The following ST8SIA5 variants were observed in gnomAD, a reference collection of about 807,000 sequenced individuals.
ST8SIA5 encodes the protein ST8 alpha-N-acetyl-neuraminide alpha-2,8-sialyltransferase 5, also known as alpha-2,8-sialyltransferase 8E.
Under a neutral mutation model 40.2 loss-of-function variants are expected in ST8SIA5, and 24 were observed. The ratio of observed to expected loss-of-function variants is 0.60; its 90% CI spans 0.43 to 0.84. The LOEUF (loss-of-function observed/expected upper bound fraction) is 0.84. ST8SIA5 is among the 40% of genes least tolerant of loss of function. The probability of loss-of-function intolerance (pLI) is 0.00; values close to 1 mark genes in which losing one functional copy is unlikely to be tolerated. For missense variants in ST8SIA5, 465 were observed against 498.5 expected, an observed-to-expected ratio of 0.93 and a Z score of 0.64; for synonymous variants, 198 against 201.8, an observed-to-expected ratio of 0.98 and a Z score of 0.16.
At chr18:46,716,339 C>T (rs2039791452) in intron 1 of ST8SIA5, among the ~76,000 whole-genome samples, 1 of 152,150 alleles carries the variant, frequency 6.6e-6, no homozygotes, top group African/African-American at 2.4e-5. Flanking sequence ...CCAAGAGGAC[C>T]CTCTTGTGTC....
At chr18:46,690,126 A>T (rs1449370124) in intron 3 of ST8SIA5, among the ~76,000 whole-genome samples, 1 of 152,176 alleles carries the variant, frequency 6.6e-6, no homozygotes, top group Non-Finnish European at 1.5e-5. Context: ...AGCCCACTGG[A>T]GATCACTCCT....
intron 1 of ST8SIA5, among the ~76,000 whole-genome samples, chr18:46,738,251 C>CAA (rs10645121): frequency 0.46 from 63,276 of 138,606 alleles, 14,587 homozygotes; most frequent in Middle Eastern, 0.53. Context: ...ATAGAAATGT[C>CAA]AAAAAAAAAA....
At position 46,717,121 on chromosome 18, in the gene ST8SIA5, C is replaced by A. The variant is rs138810021; in HGVS notation, c.132-12457G>T. Among the ~76,000 whole-genome samples, 639 of 152,340 alleles carry A rather than the reference C, an allele frequency of 4.2e-3. 4 individuals are homozygous for A. The highest frequency in any genetic ancestry group is 0.015 in the African/African-American group (613 of 41,584). ...CACCCTACAGGACAGAGGCCATCAC[C>A]ATGAGGGCACCGCTGCCTCCCCCTG... On this transcript the variant is annotated intron_variant, in intron 1 of 6. Transcript: ENST00000315087.
At chr18:46,731,599 C>A (rs2039985263) in intron 1 of ST8SIA5, 1 of 152,302 alleles carries the variant, frequency 6.6e-6, no homozygotes, top group South Asian at 2.1e-4. Flanking sequence ...AAGTCTTGAC[C>A]AAGAACAAAG....
chr18:46,686,953 C>G (rs1296509548), intron 4 of ST8SIA5, among the ~76,000 whole-genome samples: 1 of 152,146 alleles, frequency 6.6e-6, no homozygotes. Flanking sequence ...TGGGCTCCAT[C>G]CCAGCACCAC....
At chr18:46,735,805 G>T (rs749591931) in intron 1 of ST8SIA5, among the ~76,000 whole-genome samples, 18 of 151,826 alleles carry the variant, frequency 1.2e-4, no homozygotes, top group Non-Finnish European at 2.2e-4. Flanking sequence ...TACAGACAGG[G>T]TATCACTCTG....
In ST8SIA5 at chr18:46,723,180, C is replaced by T. The variant is rs543982257; in HGVS notation, c.132-18516G>A. On this transcript the variant is annotated intron_variant, in intron 1 of 6. Coordinates refer to ENST00000315087, the MANE Select transcript of ST8SIA5 (RefSeq NM_013305.6). ...GGGTGAGTCAGATTATTCCATTCTC[C>T]GATTGGCCAAAGCCAACAGCATCGC... The T allele has an allele frequency of 3.0e-5, 5 of 164,126 alleles. No homozygotes were observed. The East Asian group carries it at 6.6e-4, about 22-fold the overall frequency. The allele number at this position is 164,126 out of a possible 1,614,324, so 10.2% of individuals were successfully genotyped here. A position where few individuals can be genotyped will look rare whatever the true frequency, so the allele number is the denominator to read the frequency against.
chr18:46,735,467 T>A (rs752554822), intron 1 of ST8SIA5, among the ~76,000 whole-genome samples: 26 of 152,196 alleles, frequency 1.7e-4, no homozygotes, highest in Non-Finnish European at 3.5e-4. Context: ...GGTAGCCACA[T>A]TATAAAAAAG....
intron 1 of ST8SIA5, 34 bp downstream of exon 1, chr18:46,756,344 C>T: frequency 6.2e-7 from 1 of 1,603,576 alleles, no homozygotes; most frequent in Non-Finnish European, 8.5e-7. Flanking sequence ...CCGGCCGGCT[C>T]CGCGCATCCC....
At chr18:46,686,068 G>A in intron 5 of ST8SIA5, 106 bp downstream of exon 5, 1 of 1,033,944 alleles carries the variant, frequency 9.7e-7, no homozygotes. Context: ...GCAGGGGTGG[G>A]AAGTGGGGAT....
chr18:46,708,131 C>T (rs1380314139), intron 1 of ST8SIA5, among the ~76,000 whole-genome samples: 4 of 152,178 alleles, frequency 2.6e-5, no homozygotes, highest in Admixed American at 6.5e-5. Flanking sequence ...TGCTCATTCC[C>T]CTCTGTCCTC....
intron 2 of ST8SIA5, among the ~76,000 whole-genome samples, chr18:46,698,133 G>T (rs1277264571): frequency 8.0e-6 from 1 of 124,626 alleles, no homozygotes; most frequent in East Asian, 2.5e-4. Flanking sequence ...CAACACACCA[G>T]CAATCAAACC....
intron 2 of ST8SIA5, among the ~76,000 whole-genome samples, chr18:46,701,032 CAG>C (rs1173873346): frequency 2.0e-5 from 3 of 151,026 alleles, no homozygotes; most frequent in Non-Finnish European, 4.4e-5. Context: ...GAAGCTGTGA[CAG>C]GGGCTGTTGT....
intron 1 of ST8SIA5, among the ~76,000 whole-genome samples, chr18:46,724,379 G>A (rs2039893645): frequency 6.6e-6 from 1 of 152,248 alleles, no homozygotes; most frequent in Non-Finnish European, 1.5e-5. Context: ...ACAGCAGTGG[G>A]GAGCTCAGAG....
intron 1 of ST8SIA5, among the ~76,000 whole-genome samples, chr18:46,710,413 T>TTCTTTG (rs1244310202): frequency 4.7e-5 from 6 of 127,506 alleles, no homozygotes; most frequent in African/African-American, 1.9e-4. Context: ...CTTTCTTTCT[T>TTCTTTG]TCTTTTTCTT....
intron 1 of ST8SIA5, among the ~76,000 whole-genome samples, chr18:46,707,140 C>G (rs1390592754): frequency 6.6e-6 from 1 of 152,180 alleles, no homozygotes; most frequent in Non-Finnish European, 1.5e-5. Context: ...TGTCCTATCA[C>G]AAAGATCACT....
At chr18:46,696,641 T>G (rs1349824851) in intron 2 of ST8SIA5, among the ~76,000 whole-genome samples, 1 of 152,234 alleles carries the variant, frequency 6.6e-6, no homozygotes, top group Non-Finnish European at 1.5e-5. Flanking sequence ...CCTTCCAGTC[T>G]TAAAGGTTGT....
chr18:46,718,644 T>C (rs1448340253), intron 1 of ST8SIA5, among the ~76,000 whole-genome samples: 5 of 152,174 alleles, frequency 3.3e-5, no homozygotes, highest in Admixed American at 2.6e-4. Context: ...GTATATACAA[T>C]GTATGAGTCA....
chr18:46,704,754 C>T lies in ST8SIA5; in HGVS notation c.132-90G>A, dbSNP rs1022636803. On this transcript the variant is annotated intron_variant, in intron 1 of 6. Coordinates refer to ENST00000315087, the MANE Select transcript of ST8SIA5 (RefSeq NM_013305.6). ...TCTTGTTGCAGGGTGGAGTGTCTGTCCCAGTGAAATAAATAAAGCCAACCA... is the reference window on the plus strand; with the variant it reads ...TCTTGTTGCAGGGTGGAGTGTCTGTTCCAGTGAAATAAATAAAGCCAACCA... 3.6e-6 allele frequency: 4 copies of T among 1,107,024 alleles called. No homozygotes were observed. The African/African-American group carries it at 4.6e-5, about 13-fold the overall frequency. The allele number at this position is 1,107,024 out of a possible 1,614,324, so 68.6% of individuals were successfully genotyped here. A position where few individuals can be genotyped will look rare whatever the true frequency, so the allele number is the denominator to read the frequency against.
Sources: gnomAD v4.1 joint callset for allele counts (sites outside exome capture counted in the v4.1 genomes callset) on GRCh38, gnomAD v4.1.1 for gene constraint, MANE v1.5 for transcripts, NCBI Gene and HGNC (gene_info 2026-07-23, HGNC 2026-07-21) for gene names.